HMMR: variants seen among roughly 807,000 people sequenced by gnomAD.
The protein encoded by HMMR is intracellular hyaluronic acid-binding protein.
A neutral mutation model predicts 101.0 loss-of-function variants in HMMR; 108 were observed. That is an observed-to-expected ratio of 1.07 (90% CI 0.92 to 1.25). The LOEUF is 1.25. Among genes scored for constraint, HMMR ranks in the 50% most tolerant of loss-of-function variants. The probability of loss-of-function intolerance (pLI) is 0.00; values close to 1 mark genes in which losing one functional copy is unlikely to be tolerated. For missense variants in HMMR, 813 were observed against 788.7 expected (o/e 1.03, Z -0.37); for synonymous variants, 296 against 276.4 (o/e 1.07, Z -0.70).
intron 15 of HMMR, 126 bp downstream of exon 15, chr5:163,483,493 T>C (rs753586737): frequency 3.6e-6 from 2 of 557,616 alleles, no homozygotes; most frequent in Non-Finnish European, 6.5e-6. Flanking sequence ...AGTGCCAATT[T>C]AGCTCACTAT....
At position 163,478,695 on chromosome 5, in the gene HMMR, A is replaced by G. The variant is rs1375601328; in HGVS notation, c.1280A>G (p.Glu427Gly). 2 of 1,606,594 alleles carry G rather than the reference A, an allele frequency of 1.2e-6. No homozygotes were observed. The highest frequency in any genetic ancestry group is 3.3e-5 in the Admixed American group (2 of 59,938). ...LEEKLKGKEA[E>G]LEKSSAAHTQ... ...TTTCTTTTTCTTAGGAAGGAGGCTGAACTGGAGAAAAGTAGTGCTGCTCAT... is the reference window on the plus strand; with the variant it reads ...TTTCTTTTTCTTAGGAAGGAGGCTGGACTGGAGAAAAGTAGTGCTGCTCAT... Residue 427 changes from glutamate to glycine, a missense_variant, in exon 12 of 18, where the codon GAA becomes GGA. Physicochemically the swap from Glu to Gly is moderately conservative, Grantham distance 98. Transcript: ENST00000393915.
intron 4 of HMMR, 115 bp from the exon 5 acceptor site, chr5:163,469,526 G>A (rs1238956819): frequency 2.6e-6 from 2 of 776,086 alleles, no homozygotes; most frequent in Non-Finnish European, 4.4e-6. Context: ...ATATCTACAA[G>A]CATAATGTCA....
chr5:163,472,314 T>C (rs1016852959), intron 7 of HMMR, among the ~76,000 whole-genome samples: 3 of 152,266 alleles, frequency 2.0e-5, no homozygotes, highest in African/African-American at 4.8e-5. Context: ...TTCTGAGTAG[T>C]GGTTCACCTT....
chr5:163,463,247 A>G (rs1758597424), intron 1 of HMMR, among the ~76,000 whole-genome samples: 1 of 152,238 alleles, frequency 6.6e-6, no homozygotes, highest in Non-Finnish European at 1.5e-5. Flanking sequence ...ATTATCACAC[A>G]GGATTCTTGT....
chr5:163,475,229 C>T (rs533874616), intron 10 of HMMR, among the ~76,000 whole-genome samples: 6 of 152,088 alleles, frequency 3.9e-5, no homozygotes, highest in African/African-American at 1.2e-4. Flanking sequence ...TAAGAAGTTT[C>T]TGCATGTGCG....
In HMMR at chr5:163,491,216, G is replaced by A; in HGVS notation, c.*52G>A. The stretch of plus-strand genomic sequence containing the variant: ...TTTCATTCGTCTTGTTGTTATTGAT[G>A]TTGCTGTTATTATATTTGACATGGG... On this transcript the variant is annotated 3_prime_UTR_variant, in exon 18 of 18. Transcript: ENST00000393915. 9.9e-7 allele frequency: 1 copy of A among 1,010,262 alleles called. No individual in the cohort carries two copies. The highest frequency in any genetic ancestry group is 1.5e-6 in the Non-Finnish European group (1 of 675,848). The allele number at this position is 1,010,262 out of a possible 1,614,324, so 62.6% of individuals were successfully genotyped here.
chr5:163,480,593 A>G (rs1381625936), intron 12 of HMMR, among the ~76,000 whole-genome samples: 1 of 152,194 alleles, frequency 6.6e-6, no homozygotes, highest in East Asian at 1.9e-4. Context: ...CTAAAACTTA[A>G]TATCAAATCA....
intron 4 of HMMR, 90 bp downstream of exon 4, chr5:163,467,838 G>T: frequency 1.2e-6 from 1 of 817,598 alleles, no homozygotes; most frequent in South Asian, 1.5e-5. Flanking sequence ...TGCAGTGTGA[G>T]GAGTCCTGCA....
At chr5:163,476,273 C>T (rs1334508818) in intron 11 of HMMR, among the ~76,000 whole-genome samples, 1 of 152,066 alleles carries the variant, frequency 6.6e-6, no homozygotes, top group Non-Finnish European at 1.5e-5. Flanking sequence ...GCCGTGATCA[C>T]GTCACTGCAC....
Position 163,471,257 on chromosome 5 carries a change from GAAAC to G in HMMR, c.539_542del (p.Thr180ArgfsTer2). 6.2e-7 allele frequency: 1 copy of G among 1,612,866 alleles called. No individual in the cohort carries two copies. Among genetic ancestry groups the G allele is most frequent in the Non-Finnish European group, 8.5e-7 (1 of 1,178,866 alleles). Reference sequence around the variant, plus strand: ...GTTGATGAAACTTAGAAACAAAAGAGAAACAAAGATGAGGGTGAGTGCTGCCCTT... The same window carrying G: ...GTTGATGAAACTTAGAAACAAAAGAGAAAGATGAGGGTGAGTGCTGCCCTT... On this transcript the variant is annotated frameshift_variant, in exon 6 of 18. Transcript: ENST00000393915. LOFTEE classifies it high-confidence loss of function.
chr5:163,464,104 G>C (rs557852704), intron 2 of HMMR, 150 bp downstream of exon 2: 57 of 421,822 alleles, frequency 1.4e-4, no homozygotes, highest in African/African-American at 1.2e-3. Flanking sequence ...AAAGGGTCAA[G>C]TACAGAATAA....
At chr5:163,481,521 A>C (rs1378107593) in intron 12 of HMMR, among the ~76,000 whole-genome samples, 1 of 152,136 alleles carries the variant, frequency 6.6e-6, no homozygotes, top group Non-Finnish European at 1.5e-5. Flanking sequence ...CTTCAAGTAG[A>C]TATCACACTG....
chr5:163,478,750 G>A lies in HMMR; in HGVS notation c.1335G>A (p.Lys445=), dbSNP rs376375032. The A allele has an allele frequency of 1.1e-4, 170 of 1,613,126 alleles. No homozygotes were observed. The highest frequency in any genetic ancestry group is 1.4e-4 in the Non-Finnish European group (164 of 1,179,228). The change falls in exon 12 of 18, where the codon AAG becomes AAA. Residue 445 remains lysine, a synonymous_variant. Coordinates refer to ENST00000393915, the MANE Select transcript of HMMR (RefSeq NM_001142556.2). ...AGGCCACCCTGCTTTTGCAGGAAAAGTATGACAGTATGGTGCAAAGCCTTG... is the reference window on the plus strand; with the variant it reads ...AGGCCACCCTGCTTTTGCAGGAAAAATATGACAGTATGGTGCAAAGCCTTG... ...HTQATLLLQE[K]YDSMVQSLED... is the part of the protein sequence containing the mutation.
At chr5:163,475,780 T>G in intron 11 of HMMR, 108 bp downstream of exon 11, 1 of 479,010 alleles carries the variant, frequency 2.1e-6, no homozygotes, top group South Asian at 4.4e-5. Flanking sequence ...AGGTTGGAAT[T>G]ATTTTATAAT....
chr5:163,471,524 T>C, intron 7 of HMMR, 61 bp downstream of exon 7: 1 of 1,101,958 alleles, frequency 9.1e-7, no homozygotes, highest in South Asian at 1.3e-5. Context: ...TTGAGTCTCT[T>C]CACAAATTAT....
intron 16 of HMMR, among the ~76,000 whole-genome samples, chr5:163,488,707 GA>G (rs1348478089): frequency 6.6e-6 from 1 of 152,184 alleles, no homozygotes; most frequent in Non-Finnish European, 1.5e-5. Context: ...AACTCCAGTA[GA>G]TGCTGGCTCC....
chr5:163,465,694 C>G (rs1758680960), intron 3 of HMMR, among the ~76,000 whole-genome samples: 3 of 152,022 alleles, frequency 2.0e-5, no homozygotes. Context: ...CACAGTGGTT[C>G]ACGCCTATAA....
chr5:163,480,715 G>A (rs1023825319), intron 12 of HMMR, among the ~76,000 whole-genome samples: 29 of 152,064 alleles, frequency 1.9e-4, no homozygotes, highest in African/African-American at 6.8e-4. Flanking sequence ...TGTACTTAGT[G>A]TAAAATGGCT....
chr5:163,460,705 A>G lies in HMMR; in HGVS notation c.13A>G (p.Lys5Glu). 8 of 1,607,766 alleles carry G rather than the reference A, an allele frequency of 5.0e-6. No individual in the cohort carries two copies. Among genetic ancestry groups the G allele is most frequent in the Non-Finnish European group, 5.9e-6 (7 of 1,177,114 alleles). The change falls in exon 1 of 18, where the codon AAG becomes GAG. Residue 5 changes from lysine (K) to glutamate (E), a missense_variant. Physicochemically the swap from Lys to Glu is moderately conservative, Grantham distance 56 (BLOSUM62 1). Coordinates refer to ENST00000393915, the MANE Select transcript of HMMR (RefSeq NM_001142556.2). MSFP[K>E]APLKRFNDPS... ...GCTGGCCGTCAACATGTCCTTTCCTAAGGCGCCCTTGAAACGATTCAATGA... is the reference window on the plus strand; with the variant it reads ...GCTGGCCGTCAACATGTCCTTTCCTGAGGCGCCCTTGAAACGATTCAATGA...
Sources: allele counts gnomAD v4.1 joint callset (sites outside exome capture counted in the v4.1 genomes callset), GRCh38; gene constraint gnomAD v4.1.1; transcripts MANE v1.5; gene names NCBI Gene and HGNC (gene_info 2026-07-23, HGNC 2026-07-21).